PTPRN2: variants seen among roughly 807,000 people sequenced by gnomAD.
PTPRN2 encodes the protein protein tyrosine phosphatase receptor type N2.
PTPRN2 carries 74 observed loss-of-function variants against 118.8 expected under a neutral mutation model. The ratio of observed to expected loss-of-function variants is 0.62; its 90% confidence interval spans 0.52 to 0.76. The LOEUF (loss-of-function observed/expected upper bound fraction) is 0.76, where lower values mean the gene tolerates loss of function less well. PTPRN2 is among the 30% of genes least tolerant of loss of function. The pLI is 0.00. For synonymous variants in PTPRN2, 641 were observed against 608.0 expected (o/e 1.05, Z -0.80); for missense variants, 1,481 against 1,394.4 (o/e 1.06, Z -0.99).
intron 11 of PTPRN2, among the ~76,000 whole-genome samples, chr7:158,013,714 T>G (rs1189683414): frequency 1.2e-4 from 16 of 129,580 alleles, no homozygotes; most frequent in Admixed American, 5.3e-4. Flanking sequence ...CATCCATCCA[T>G]CCAGCCAGCC....
intron 3 of PTPRN2, 152 bp from the exon 4 acceptor site, chr7:158,205,425 C>T: frequency 1.6e-6 from 1 of 618,270 alleles, no homozygotes; most frequent in Non-Finnish European, 2.9e-6. Context: ...TCAAGATCTC[C>T]TTACAGAAAT....
intron 1 of PTPRN2, among the ~76,000 whole-genome samples, chr7:158,560,906 T>C (rs1478363561): frequency 6.6e-6 from 1 of 152,200 alleles, no homozygotes; most frequent in Non-Finnish European, 1.5e-5. Flanking sequence ...CGAAGAGAAA[T>C]CTTGTCCATA....
At chr7:157,614,336 CAG>C (rs1349712605) in intron 15 of PTPRN2, among the ~76,000 whole-genome samples, 1 of 152,030 alleles carries the variant, frequency 6.6e-6, no homozygotes, top group African/African-American at 2.4e-5. Context: ...CGTGGGCTTG[CAG>C]AGTTCCCTAC....
Position 158,136,665 on chromosome 7 carries a change from A to G in PTPRN2, c.1163T>C (p.Leu388Pro). ...DDGVQDDDDR[L>P]YQEVHRLSAT... ...GAGACGTCATCTTACCTCTTGGTAA[A>G]GTCTATCATCGTCGTCCTGCACTCC... The change falls in exon 8 of 23, where the codon CTT becomes CCT. Residue 388 changes from leucine (L) to proline (P), a missense_variant. By Grantham distance (98) the Leu-to-Pro change is moderately conservative. This residue lies in a region of PTPRN2 where 1,115 missense variants were observed against 994.2 expected (regional missense o/e 1.12). Coordinates refer to ENST00000389418, the MANE Select transcript of PTPRN2 (RefSeq NM_002847.5). 6.2e-7 allele frequency: 1 copy of G among 1,613,786 alleles called. No homozygotes were observed.
At chr7:158,346,420 C>T (rs1380160474) in intron 2 of PTPRN2, among the ~76,000 whole-genome samples, 2 of 152,176 alleles carry the variant, frequency 1.3e-5, no homozygotes, top group African/African-American at 2.4e-5. Context: ...TTTCACTCAG[C>T]GTAATGCTTT....
chr7:158,260,650 A>G (rs889801609), intron 3 of PTPRN2, among the ~76,000 whole-genome samples: 2 of 152,182 alleles, frequency 1.3e-5, no homozygotes. Context: ...CCCCGTCCAC[A>G]TAACACACCC....
At chr7:158,441,195 A>ATGGTGATGGTAGTGATAG (rs1817103073) in intron 2 of PTPRN2, among the ~76,000 whole-genome samples, 1 of 129,462 alleles carries the variant, frequency 7.7e-6, no homozygotes, top group African/African-American at 3.1e-5. Flanking sequence ...GGTGATAGTG[A>ATGGTGATGGTAGTGATAG]TGGTGATGGT....
At chr7:158,312,019 A>C (rs1801804185) in intron 3 of PTPRN2, among the ~76,000 whole-genome samples, 1 of 151,142 alleles carries the variant, frequency 6.6e-6, no homozygotes, top group Non-Finnish European at 1.5e-5. Flanking sequence ...GCACATTCAC[A>C]TGCTCACGTG....
intron 1 of PTPRN2, among the ~76,000 whole-genome samples, chr7:158,500,396 T>C (rs1404776518): frequency 6.6e-6 from 1 of 152,218 alleles, no homozygotes; most frequent in African/African-American, 2.4e-5. Context: ...CCACTGTAGA[T>C]ACAGGTTAAT....
chr7:158,359,719 C>T (rs537417127), intron 2 of PTPRN2, among the ~76,000 whole-genome samples: 24 of 152,300 alleles, frequency 1.6e-4, no homozygotes, highest in African/African-American at 3.6e-4. Context: ...GTAATGTACA[C>T]GTGGTGTTGT....
intron 2 of PTPRN2, among the ~76,000 whole-genome samples, chr7:158,368,069 G>A: frequency 6.6e-6 from 1 of 152,206 alleles, no homozygotes; most frequent in East Asian, 1.9e-4. Context: ...AAGTCACCGA[G>A]CATTTTAATA....
intron 20 of PTPRN2, among the ~76,000 whole-genome samples, chr7:157,569,760 G>A (rs539497547): frequency 6.6e-6 from 1 of 152,362 alleles, no homozygotes; most frequent in South Asian, 2.1e-4. Context: ...GGTTGCATGA[G>A]TTTGAGAGAC....
intron 12 of PTPRN2, among the ~76,000 whole-genome samples, chr7:157,771,857 C>A (rs57674474): frequency 2.0e-5 from 3 of 149,416 alleles, no homozygotes; most frequent in Non-Finnish European, 3.0e-5. Context: ...AACAGACACA[C>A]ACGGAGACAC....
intron 10 of PTPRN2, among the ~76,000 whole-genome samples, chr7:158,083,261 A>G (rs1312770599): frequency 1.3e-5 from 2 of 152,112 alleles, no homozygotes; most frequent in African/African-American, 2.4e-5. Flanking sequence ...GAGGTGATCA[A>G]TTCATATTTG....
At chr7:158,468,393 A>C (rs1733144) in intron 2 of PTPRN2, among the ~76,000 whole-genome samples, 105,003 of 152,064 alleles carry the variant, frequency 0.69, 36,500 homozygotes, top group Admixed American at 0.78. Context: ...TTGCCCAGAG[A>C]TCCTCAACTC....
At chr7:157,675,376 AC>A (rs1167284707) in intron 13 of PTPRN2, among the ~76,000 whole-genome samples, 1 of 151,538 alleles carries the variant, frequency 6.6e-6, no homozygotes, top group East Asian at 2.0e-4. Context: ...ACCTGACCTT[AC>A]CCCCCAGGGC....
chr7:158,239,438 C>T (rs994565238), intron 3 of PTPRN2, among the ~76,000 whole-genome samples: 3 of 152,192 alleles, frequency 2.0e-5, no homozygotes, highest in African/African-American at 7.2e-5. Context: ...CGTAGCGCGG[C>T]CCCCACCCTC....
chr7:158,573,224 C>A (rs995380483), intron 1 of PTPRN2, among the ~76,000 whole-genome samples: 7 of 152,102 alleles, frequency 4.6e-5, no homozygotes, highest in Non-Finnish European at 8.8e-5. Flanking sequence ...CTATACCCAG[C>A]TAAACAATTC....
intron 2 of PTPRN2, among the ~76,000 whole-genome samples, chr7:158,317,432 G>A (rs868107511): frequency 2.0e-5 from 3 of 152,346 alleles, no homozygotes; most frequent in South Asian, 2.1e-4. Context: ...CCTTTCCGGC[G>A]GCGCAGGAGA....
Sources: gnomAD v4.1 joint callset for allele counts (sites outside exome capture counted in the v4.1 genomes callset) on GRCh38, gnomAD v4.1.1 for gene constraint, gnomAD v4.1.1 regional missense constraint, MANE v1.5 for transcripts, NCBI Gene and HGNC (gene_info 2026-07-23, HGNC 2026-07-21) for gene names.